The following DGKB variants were observed in gnomAD, a reference collection of about 807,000 sequenced individuals.
The protein encoded by DGKB is 90 kDa diacylglycerol kinase.
Under a neutral mutation model 114.3 loss-of-function variants are expected in DGKB, and 67 were observed. That is an observed-to-expected ratio of 0.59 (90% CI 0.48 to 0.72). The LOEUF is 0.72. Ranked by LOEUF, DGKB falls within the 30% of genes least tolerant of loss-of-function variation. The pLI is 0.00. For synonymous variants in DGKB, 398 were observed against 323.1 expected (o/e 1.23, Z -2.49); for missense variants, 907 against 975.2 (o/e 0.93, Z 0.93).
intron 1 of DGKB, among the ~76,000 whole-genome samples, chr7:14,909,552 C>T (rs1274378822): frequency 6.6e-6 from 1 of 151,998 alleles, no homozygotes; most frequent in Non-Finnish European, 1.5e-5. Flanking sequence ...TTATACCCAG[C>T]CCAATGTTTA....
intron 21 of DGKB, among the ~76,000 whole-genome samples, chr7:14,394,784 G>T (rs1006355321): frequency 6.6e-6 from 1 of 151,886 alleles, no homozygotes; most frequent in Non-Finnish European, 1.5e-5. Flanking sequence ...AAGGATGCTA[G>T]GTTCAACAGC....
chr7:14,957,009 T>A (rs766508369), intron 1 of DGKB, among the ~76,000 whole-genome samples: 1 of 152,006 alleles, frequency 6.6e-6, no homozygotes, highest in African/African-American at 2.4e-5. Context: ...CTGTCAGTCA[T>A]ACACAAACAT....
At chr7:14,965,095 A>G (rs1787077803) in intron 1 of DGKB, among the ~76,000 whole-genome samples, 1 of 152,164 alleles carries the variant, frequency 6.6e-6, no homozygotes, top group African/African-American at 2.4e-5. Flanking sequence ...TCAGAAGAAT[A>G]TAAGGTACAG....
At chr7:14,658,775 A>T (rs539317325) in intron 13 of DGKB, among the ~76,000 whole-genome samples, 246 of 151,948 alleles carry the variant, frequency 1.6e-3, no homozygotes, top group African/African-American at 5.2e-3. Context: ...CGTTTATAAA[A>T]CAGGATTAAT....
chr7:14,451,354 A>AGAT (rs1417933123), intron 21 of DGKB, among the ~76,000 whole-genome samples: 2 of 151,886 alleles, frequency 1.3e-5, no homozygotes, highest in Non-Finnish European at 2.9e-5. Context: ...TTAAGCTGGG[A>AGAT]GATTGGTTTT....
At chr7:14,251,159 A>C (rs1426086255) in intron 23 of DGKB, among the ~76,000 whole-genome samples, 2 of 151,922 alleles carry the variant, frequency 1.3e-5, no homozygotes, top group Non-Finnish European at 2.9e-5. Context: ...AGGACTTCCC[A>C]CTGTTATTTT....
chr7:14,243,829 T>A (rs1198375692), intron 23 of DGKB, among the ~76,000 whole-genome samples: 1 of 151,858 alleles, frequency 6.6e-6, no homozygotes, highest in Non-Finnish European at 1.5e-5. Flanking sequence ...GTTTTTTCTA[T>A]TTCTACAGCC....
chr7:14,563,279 G>C (rs1326931736), intron 20 of DGKB, among the ~76,000 whole-genome samples: 2 of 152,132 alleles, frequency 1.3e-5, no homozygotes, highest in African/African-American at 4.8e-5. Context: ...TGAGAACAGA[G>C]TAATTCACTA....
chr7:14,790,367 C>T (rs945949729), intron 2 of DGKB, among the ~76,000 whole-genome samples: 2 of 152,096 alleles, frequency 1.3e-5, no homozygotes, highest in East Asian at 1.9e-4. Context: ...GTTTGCCTAG[C>T]GTTAGTTCCC....
At chr7:14,295,177 T>C (rs1039295246) in intron 23 of DGKB, among the ~76,000 whole-genome samples, 14 of 152,164 alleles carry the variant, frequency 9.2e-5, no homozygotes, top group African/African-American at 2.9e-4. Flanking sequence ...ATGAGAATAA[T>C]ATATGTATAC....
At chr7:14,687,138 G>A (rs1821848346) in intron 9 of DGKB, among the ~76,000 whole-genome samples, 1 of 152,114 alleles carries the variant, frequency 6.6e-6, no homozygotes. Context: ...GATTTTGGAG[G>A]CAAGGTGAAC....
Position 14,611,761 on chromosome 7 carries a change from G to T in DGKB, c.1358+1579C>A, listed in dbSNP as rs139762759. 4.7e-4 allele frequency among the ~76,000 whole-genome samples: 72 copies of T among 151,716 alleles called. 1 individual carries two copies. The East Asian group carries it at 0.014, about 29-fold the overall frequency. ...TTATTTATATGTACTGGTAGAAAGGGAAGGCAAATATTCAACTAAGGGTCA... is the reference window on the plus strand; with the variant it reads ...TTATTTATATGTACTGGTAGAAAGGTAAGGCAAATATTCAACTAAGGGTCA... On this transcript the variant is annotated intron_variant, in intron 16 of 25. Transcript: ENST00000402815.
intron 23 of DGKB, among the ~76,000 whole-genome samples, chr7:14,216,067 A>C (rs1788908614): frequency 6.6e-6 from 1 of 152,176 alleles, no homozygotes; most frequent in South Asian, 2.1e-4. Context: ...GCCTTCCTGG[A>C]GTTTATGGCC....
At position 14,792,554 on chromosome 7, in the gene DGKB, T is replaced by C. The variant is rs1295066325; in HGVS notation, c.71-34823A>G. Among the ~76,000 whole-genome samples the C allele has an allele frequency of 2.6e-5, 4 of 152,262 alleles. No individual in the cohort carries two copies. The South Asian group carries it at 6.2e-4, about 24-fold the overall frequency. Reference sequence around the variant, plus strand: ...CTAATCTTTCTGTAAATGACAACCCTGGTTCCCTGAAATATCTTCATACCT... The same window carrying C: ...CTAATCTTTCTGTAAATGACAACCCCGGTTCCCTGAAATATCTTCATACCT... On this transcript the variant is annotated intron_variant, in intron 2 of 25. Coordinates refer to ENST00000402815, the MANE Select transcript of DGKB (RefSeq NM_001350709.2).
intron 20 of DGKB, among the ~76,000 whole-genome samples, chr7:14,511,901 G>T (rs1268925495): frequency 6.6e-6 from 1 of 152,190 alleles, no homozygotes; most frequent in East Asian, 1.9e-4. Flanking sequence ...AGTCAGCGAA[G>T]AAGTCAGAAT....
intron 23 of DGKB, among the ~76,000 whole-genome samples, chr7:14,297,594 T>C (rs1461049216): frequency 6.6e-6 from 1 of 152,098 alleles, no homozygotes. Flanking sequence ...CCACAGCCAA[T>C]ATCATACTGA....
rs1368412378 is a variant in DGKB at position 14,217,117 on chromosome 7, G to A, written c.2123-38966C>T. Among the ~76,000 whole-genome samples the A allele has an allele frequency of 2.6e-5, 4 of 152,068 alleles. No individual in the cohort carries two copies. The South Asian group carries it at 6.2e-4, about 24-fold the overall frequency. On this transcript the variant is annotated intron_variant, in intron 23 of 25. Transcript: ENST00000402815. The stretch of plus-strand genomic sequence containing the variant: ...TTCACATCAAATGACAAGAGAAAGG[G>A]CCAGACAGTCTAGTCTCTAAGGAAC...
Position 14,841,223 on chromosome 7 carries a change from T to C in DGKB, c.41A>G (p.Glu14Gly). The stretch of plus-strand genomic sequence containing the variant: ...AGCATATTTCTGAAGTTGGGAAAAT[T>C]CCGAAGGGCTGAGGTGGGCCCATTT... ...QEKWAHLSPSEFSQLQKYAEY... is the reference protein window; with the variant it reads ...QEKWAHLSPSGFSQLQKYAEY... Residue 14 changes from glutamate (E) to glycine (G), a missense_variant, in exon 2 of 26, where the codon GAA becomes GGA. Physicochemically the swap from Glu to Gly is moderately conservative, Grantham distance 98. Transcript: ENST00000402815. The C allele has an allele frequency of 6.2e-7, 1 of 1,613,578 alleles. No homozygotes were observed. The highest frequency in any genetic ancestry group is 8.5e-7 in the Non-Finnish European group (1 of 1,179,718).
intron 8 of DGKB, among the ~76,000 whole-genome samples, chr7:14,697,310 A>C: frequency 6.6e-6 from 1 of 152,194 alleles, no homozygotes; most frequent in Admixed American, 6.5e-5. Flanking sequence ...TCTCTGCAAA[A>C]GGGAAAAAAA....
Sources: allele counts gnomAD v4.1 joint callset (sites outside exome capture counted in the v4.1 genomes callset), GRCh38; gene constraint gnomAD v4.1.1; transcripts MANE v1.5; gene names NCBI Gene and HGNC (gene_info 2026-07-23, HGNC 2026-07-21).